BRINP1: variants seen among roughly 807,000 people sequenced by gnomAD.
BRINP1 encodes the protein BMP/retinoic acid-inducible neural-specific protein 1.
A neutral mutation model predicts 72.9 loss-of-function variants in BRINP1; 17 were observed. That is an observed-to-expected ratio of 0.23 (90% confidence interval 0.16 to 0.35). The LOEUF is 0.35. BRINP1 is among the 10% of genes least tolerant of loss of function. The pLI is 1.00. For missense variants in BRINP1, 850 were observed against 1,001.6 expected (o/e 0.85, Z 2.04); for synonymous variants, 418 against 378.5 (o/e 1.10, Z -1.21).
chr9:119,251,060 A>G (rs909964783), intron 2 of BRINP1, among the ~76,000 whole-genome samples: 1 of 152,182 alleles, frequency 6.6e-6, no homozygotes, highest in African/African-American at 2.4e-5. Flanking sequence ...TCACATTAGA[A>G]TATGTTTCCA....
At chr9:119,318,212 T>A (rs1450970650) in intron 1 of BRINP1, among the ~76,000 whole-genome samples, 1 of 152,186 alleles carries the variant, frequency 6.6e-6, no homozygotes, top group African/African-American at 2.4e-5. Context: ...GTCTTCCATG[T>A]GAAAATGTGG....
chr9:119,179,043 G>A (rs1829523482), intron 7 of BRINP1, among the ~76,000 whole-genome samples: 1 of 152,084 alleles, frequency 6.6e-6, no homozygotes, highest in Non-Finnish European at 1.5e-5. Context: ...GGGGATCAGG[G>A]ATAGCAGGGA....
intron 2 of BRINP1, chr9:119,283,255 A>T: frequency 5.3e-6 from 3 of 568,120 alleles, no homozygotes; most frequent in Non-Finnish European, 6.7e-6. Flanking sequence ...CTGCCTCAGC[A>T]TCACCTGGCA....
intron 1 of BRINP1, among the ~76,000 whole-genome samples, chr9:119,354,053 T>C (rs1831533695): frequency 6.6e-6 from 1 of 152,018 alleles, no homozygotes; most frequent in Admixed American, 6.6e-5. Context: ...CTTCTTACCA[T>C]TGGGAAACTT....
At chr9:119,288,711 C>A (rs1588192593) in intron 2 of BRINP1, among the ~76,000 whole-genome samples, 1 of 152,252 alleles carries the variant, frequency 6.6e-6, no homozygotes, top group East Asian at 1.9e-4. Flanking sequence ...ATAGTAGGTG[C>A]TCACTAAAAA....
At chr9:119,334,456 C>G (rs1243098852) in intron 1 of BRINP1, among the ~76,000 whole-genome samples, 2 of 152,114 alleles carry the variant, frequency 1.3e-5, no homozygotes, top group African/African-American at 4.8e-5. Flanking sequence ...CTAATCAGAC[C>G]CCAGCCATAG....
chr9:119,276,473 C>T (rs1487091580), intron 2 of BRINP1, among the ~76,000 whole-genome samples: 1 of 152,168 alleles, frequency 6.6e-6, no homozygotes, highest in African/African-American at 2.4e-5. Flanking sequence ...AACAAAATCT[C>T]CTTATAGAAC....
chr9:119,309,578 T>C (rs1286576462), intron 2 of BRINP1, among the ~76,000 whole-genome samples: 6 of 152,186 alleles, frequency 3.9e-5, no homozygotes, highest in Non-Finnish European at 4.4e-5. Flanking sequence ...TTTAAAACTC[T>C]AATGAAAAAA....
At chr9:119,237,672 T>G (rs1029159800) in intron 5 of BRINP1, among the ~76,000 whole-genome samples, 26 of 147,770 alleles carry the variant, frequency 1.8e-4, no homozygotes, top group Admixed American at 1.1e-3. Context: ...ATTATTATTA[T>G]TAGTACTGAG....
intron 7 of BRINP1, among the ~76,000 whole-genome samples, chr9:119,189,802 T>G (rs1829664141): frequency 6.6e-6 from 1 of 152,018 alleles, no homozygotes; most frequent in Non-Finnish European, 1.5e-5. Context: ...GAACATGAAC[T>G]GCACTTTAGA....
At chr9:119,250,102 AAAGG>A (rs1185281880) in intron 2 of BRINP1, among the ~76,000 whole-genome samples, 6 of 77,514 alleles carry the variant, frequency 7.7e-5, no homozygotes, top group Non-Finnish European at 1.5e-4. Flanking sequence ...GGAAGGAAGA[AAAGG>A]AAGGAGGGAG....
chr9:119,244,285 GC>G (rs1178379315), intron 3 of BRINP1, among the ~76,000 whole-genome samples: 2 of 152,074 alleles, frequency 1.3e-5, no homozygotes, highest in Non-Finnish European at 2.9e-5. Context: ...CTATCCTTTG[GC>G]CCCCACAGCA....
intron 7 of BRINP1, among the ~76,000 whole-genome samples, chr9:119,198,452 T>C (rs1203741561): frequency 5.3e-5 from 8 of 152,140 alleles, no homozygotes; most frequent in Admixed American, 2.0e-4. Context: ...CAATAGTAAA[T>C]GACAGTCACA....
chr9:119,210,535 A>T (rs1422985046), intron 6 of BRINP1, among the ~76,000 whole-genome samples: 1 of 152,200 alleles, frequency 6.6e-6, no homozygotes, highest in African/African-American at 2.4e-5. Context: ...TCAAATGGCC[A>T]GTAGATAGGA....
At chr9:119,219,193 G>A (rs973541814) in intron 5 of BRINP1, among the ~76,000 whole-genome samples, 2 of 152,066 alleles carry the variant, frequency 1.3e-5, no homozygotes, top group African/African-American at 4.8e-5. Context: ...ACAGCAGCCT[G>A]AGCAGACCAA....
intron 2 of BRINP1, among the ~76,000 whole-genome samples, chr9:119,263,671 G>A (rs1416352303): frequency 1.5e-5 from 2 of 132,390 alleles, no homozygotes; most frequent in East Asian, 2.2e-4. Flanking sequence ...GCAGTGGTGC[G>A]ATCTCTGCTC....
Position 119,167,301 on chromosome 9 carries a change from G to A in BRINP1, c.2069C>T (p.Ser690Leu), listed in dbSNP as rs201389326. The change falls in exon 8 of 8, where the codon TCG (serine) becomes TTG (leucine). Residue 690 changes from serine to leucine, a missense_variant. Ser to Leu is a moderately radical substitution (Grantham distance 145). Coordinates refer to ENST00000265922, the MANE Select transcript of BRINP1 (RefSeq NM_014618.3). The surrounding 1 kb of genome is among the most constrained non-coding windows in gnomAD (Gnocchi z 4.3). ...YTQGGQFYSS[S>L]SVMLLLLDIR... ...ATCCAACAAGAGGAGCATCACTGACGAAGAGGAATAGAACTGGCCGCCCTG... is the reference window on the plus strand; with the variant it reads ...ATCCAACAAGAGGAGCATCACTGACAAAGAGGAATAGAACTGGCCGCCCTG... 5 of 1,614,168 alleles carry A rather than the reference G, an allele frequency of 3.1e-6. No homozygotes were observed. The highest frequency in any genetic ancestry group is 2.2e-5 in the East Asian group (1 of 44,868).
Position 119,352,994 on chromosome 9 carries a change from G to A in BRINP1, c.-51+16062C>T, listed in dbSNP as rs1380707539. Among the ~76,000 whole-genome samples, 3 of 152,138 alleles carry A rather than the reference G, an allele frequency of 2.0e-5. No individual in the cohort carries two copies. In the East Asian group the frequency reaches 5.8e-4, roughly 29 times the overall value. On this transcript the variant is annotated intron_variant, in intron 1 of 7. Coordinates refer to ENST00000265922, the MANE Select transcript of BRINP1 (RefSeq NM_014618.3). ...GGGGAAGGTAGAGTCAGCATGCAAA[G>A]AAAGAATGGCCACTAAAAAGAAGAG...
intron 7 of BRINP1, among the ~76,000 whole-genome samples, chr9:119,183,676 A>AT (rs1829581208): frequency 6.6e-6 from 1 of 152,236 alleles, no homozygotes; most frequent in South Asian, 2.1e-4. Flanking sequence ...AATCAGAATG[A>AT]TATTAATAAG....
Sources: allele counts gnomAD v4.1 joint callset (sites outside exome capture counted in the v4.1 genomes callset), GRCh38; gene constraint gnomAD v4.1.1; non-coding constraint Gnocchi (gnomAD v3.1); transcripts MANE v1.5; gene names NCBI Gene and HGNC (gene_info 2026-07-23, HGNC 2026-07-21).